PNPLA7: variants seen among roughly 807,000 people sequenced by gnomAD.
PNPLA7 encodes patatin-like phospholipase domain-containing protein 7.
PNPLA7 carries 153 observed loss-of-function variants against 161.7 expected under a neutral mutation model. That is an observed-to-expected ratio of 0.95 (90% CI 0.83 to 1.08). The LOEUF is 1.08. PNPLA7 is among the 50% of genes least tolerant of loss of function. The pLI, the probability that PNPLA7 is intolerant of heterozygous loss-of-function variation, is 0.00. For missense variants in PNPLA7, 1,739 were observed against 1,856.6 expected (o/e 0.94, Z 1.16); for synonymous variants, 809 against 782.1 (o/e 1.03, Z -0.57).
chr9:137,483,445 T>C (rs531246177), intron 21 of PNPLA7, among the ~76,000 whole-genome samples: 63 of 152,330 alleles, frequency 4.1e-4, no homozygotes, highest in Admixed American at 1.6e-3. Flanking sequence ...AATTTTGTTT[T>C]GAGAGTAACT....
At position 137,467,524 on chromosome 9, in the gene PNPLA7, C is replaced by T. The variant is rs377250872; in HGVS notation, c.2883-51G>A. 4.3e-5 allele frequency: 68 copies of T among 1,593,720 alleles called. No homozygotes were observed. Among genetic ancestry groups the T allele is most frequent in the East Asian group, 3.6e-4 (16 of 44,628 alleles). On this transcript the variant is annotated intron_variant, in intron 25 of 34. Coordinates refer to ENST00000406427, the MANE Select transcript of PNPLA7 (RefSeq NM_001098537.3). The surrounding 1 kb of genome is among the most constrained non-coding windows in gnomAD (Gnocchi z 5.1). Reference sequence around the variant, plus strand: ...AGGAGTGAGTACCAGGCCCAGGCTGCGCCCTGCAGAGGCCTTGTGCTCATC... The same window carrying T: ...AGGAGTGAGTACCAGGCCCAGGCTGTGCCCTGCAGAGGCCTTGTGCTCATC...
chr9:137,494,937 G>A, intron 19 of PNPLA7, 96 bp downstream of exon 19: 8 of 1,153,884 alleles, frequency 6.9e-6, no homozygotes, highest in Non-Finnish European at 1.0e-5. Context: ...GCCCTCACCT[G>A]CTCTGTGCCC....
At chr9:137,544,478 AC>A (rs1347214919) in intron 4 of PNPLA7, among the ~76,000 whole-genome samples, 1 of 151,990 alleles carries the variant, frequency 6.6e-6, no homozygotes, top group Admixed American at 6.6e-5. Flanking sequence ...TCTGCTCCAG[AC>A]CACCCTACGC....
chr9:137,534,146 CA>C (rs1299967395), intron 8 of PNPLA7, among the ~76,000 whole-genome samples: 3 of 148,452 alleles, frequency 2.0e-5, no homozygotes, highest in East Asian at 4.1e-4. Flanking sequence ...GAATCCTCCA[CA>C]ACAGTGTCCA....
intron 25 of PNPLA7, among the ~76,000 whole-genome samples, chr9:137,474,010 G>C (rs1831828288): frequency 6.6e-6 from 1 of 152,144 alleles, no homozygotes; most frequent in Non-Finnish European, 1.5e-5. Flanking sequence ...AGGCCGAGGT[G>C]GGTGGATCAC....
intron 15 of PNPLA7, 102 bp downstream of exon 15, chr9:137,501,548 C>T: frequency 1.7e-6 from 2 of 1,159,596 alleles, no homozygotes; most frequent in Non-Finnish European, 2.5e-6. Flanking sequence ...CTGGGAGGTC[C>T]CCAGTCACTG....
intron 23 of PNPLA7, chr9:137,479,787 G>A (rs973215415): frequency 1.0e-6 from 1 of 985,448 alleles, no homozygotes; most frequent in African/African-American, 1.7e-5. Flanking sequence ...AATCAGGTCA[G>A]TGATCTGCTG....
In PNPLA7 at chr9:137,491,605, C is replaced by A. The variant is rs1832767095; in HGVS notation, c.2197+1408G>T. On this transcript the variant is annotated intron_variant, in intron 20 of 34. Coordinates refer to ENST00000406427, the MANE Select transcript of PNPLA7 (RefSeq NM_001098537.3). ...TAGTGTCCCCCCAAATTCATGTCTA[C>A]CCAGAACCGCAAAATGTGACCTTAT... 5 of 985,278 alleles carry A rather than the reference C, an allele frequency of 5.1e-6. No individual in the cohort carries two copies. In the South Asian group the frequency reaches 2.3e-4, roughly 46 times the overall value. The allele number at this position is 985,278 out of a possible 1,614,324, so 61.0% of individuals were successfully genotyped here.
chr9:137,544,863 T>G (rs1466739706), intron 4 of PNPLA7, among the ~76,000 whole-genome samples: 1 of 152,198 alleles, frequency 6.6e-6, no homozygotes, highest in African/African-American at 2.4e-5. Flanking sequence ...TTGGCCAGGC[T>G]GGTCTCGAAC....
Position 137,500,951 on chromosome 9 carries a change from G to A in PNPLA7, c.1552-55C>T. On this transcript the variant is annotated intron_variant, in intron 15 of 34. Transcript: ENST00000406427. This position sits in a 1 kb window ranked among gnomAD's most constrained non-coding sequence, Gnocchi z 5.5. ...GCGAGTGGCCGCGGGCAGGACGGGG[G>A]CAGCTCTGGGCCCAGAGCGGACGAT... is the stretch of plus-strand genomic sequence containing the variant. The A allele has an allele frequency of 6.7e-7, 1 of 1,486,704 alleles. No individual in the cohort carries two copies. The highest frequency in any genetic ancestry group is 1.4e-5 in the African/African-American group (1 of 72,172). The allele number at this position is 1,486,704 out of a possible 1,614,324, so 92.1% of individuals were successfully genotyped here. A position where few individuals can be genotyped will look rare whatever the true frequency, so the allele number is the denominator to read the frequency against.
chr9:137,462,293 G>A lies in PNPLA7; in HGVS notation c.3531C>T (p.Tyr1177=), dbSNP rs749162838. The change falls in exon 31 of 35, where the codon TAC becomes TAT. Residue 1177 remains tyrosine (Y), a synonymous_variant. Coordinates refer to ENST00000406427, the MANE Select transcript of PNPLA7 (RefSeq NM_001098537.3). ...NMAEIQTRLA[Y]VCCVRQLEVV... ...CCTCCAGCTGCCGCACGCAACACAC[G>A]TAGGCCAGGCGCGTCTGAATCTCTG... The A allele has an allele frequency of 4.8e-5, 77 of 1,611,344 alleles. No individual in the cohort carries two copies. The highest frequency in any genetic ancestry group is 5.9e-5 in the Non-Finnish European group (70 of 1,179,120).
intron 8 of PNPLA7, among the ~76,000 whole-genome samples, chr9:137,527,409 T>C (rs1001036219): frequency 7.2e-5 from 11 of 152,228 alleles, no homozygotes; most frequent in African/African-American, 2.7e-4. Flanking sequence ...AGTACAGATG[T>C]CCTTTATTCG....
Position 137,464,126 on chromosome 9 carries a change from C to T in PNPLA7, c.3226G>A (p.Gly1076Ser), listed in dbSNP as rs201862577. The change falls in exon 28 of 35, where the codon GGC (glycine) becomes AGC (serine). Residue 1076 changes from glycine to serine, a missense_variant and splice_region_variant. Physicochemically the swap from Gly to Ser is moderately conservative, Grantham distance 56. Transcript: ENST00000406427. The part of the protein sequence containing the change: ...TASAMRVHTD[G>S]SLWWYVRASM... ...CGCCCTGCGCAGCAGGAGTGCTCAC[C>T]GTCGGTGTGGACCCGCATGGCCGAG... is the stretch of plus-strand genomic sequence containing the variant. 2.0e-5 allele frequency: 33 copies of T among 1,613,332 alleles called. No individual in the cohort carries two copies. The highest frequency in any genetic ancestry group is 1.7e-4 in the Middle Eastern group (1 of 6,038).
Position 137,542,723 on chromosome 9 carries a change from C to G in PNPLA7, c.585G>C (p.Glu195Asp). 1 of 1,613,698 alleles carries G rather than the reference C, an allele frequency of 6.2e-7. No homozygotes were observed. The highest frequency in any genetic ancestry group is 8.5e-7 in the Non-Finnish European group (1 of 1,180,034). ...HIVFVQLQEG[E>D]HVFQPREPDP... Reference sequence around the variant, plus strand: ...CCGGCTCCCTGGGCTGGAAGACGTGCTCCCCTTCCTGCAGCTGCACAAAGA... The same window carrying G: ...CCGGCTCCCTGGGCTGGAAGACGTGGTCCCCTTCCTGCAGCTGCACAAAGA... Residue 195 changes from glutamate (E) to aspartate (D), a missense_variant, in exon 7 of 35, where the codon GAG becomes GAC. Glu to Asp is a conservative substitution (Grantham distance 45). Transcript: ENST00000406427.
intron 25 of PNPLA7, among the ~76,000 whole-genome samples, chr9:137,473,809 G>A (rs561271030): frequency 1.4e-4 from 21 of 151,604 alleles, no homozygotes; most frequent in African/African-American, 2.2e-4. Context: ...ACCAAGGGTC[G>A]GTGGGGATGT....
At chr9:137,503,883 AAGAAGGAAG>A (rs2132325466) in intron 14 of PNPLA7, among the ~76,000 whole-genome samples, 1 of 117,622 alleles carries the variant, frequency 8.5e-6, no homozygotes, top group Admixed American at 8.0e-5. Flanking sequence ...AAGAAGAAAG[AAGAAGGAAG>A]AAGAAGAAGG....
intron 14 of PNPLA7, among the ~76,000 whole-genome samples, chr9:137,503,987 AAG>A (rs1191623900): frequency 1.4e-4 from 6 of 43,580 alleles, no homozygotes; most frequent in Admixed American, 5.1e-4. Context: ...AGGAAGAAGA[AAG>A]AAGCAAGAAG....
At chr9:137,477,154 C>T (rs1831976793) in intron 25 of PNPLA7, among the ~76,000 whole-genome samples, 1 of 152,254 alleles carries the variant, frequency 6.6e-6, no homozygotes, top group African/African-American at 2.4e-5. Context: ...AGGCTCCGCC[C>T]TGCCCCTTAC....
chr9:137,518,511 C>G lies in PNPLA7; in HGVS notation c.1084+1406G>C, dbSNP rs370990892. ...ACTCACTCCACTCTGTCCACTCCAT[C>G]CCCCGTCACTCACTCCACTCTGCTC... On this transcript the variant is annotated intron_variant, in intron 11 of 34. Transcript: ENST00000406427. Among the ~76,000 whole-genome samples the G allele has an allele frequency of 1.8e-3, 131 of 72,592 alleles. 4 individuals are homozygous for G. The highest frequency in any genetic ancestry group is 6.8e-3 in the African/African-American group (122 of 17,840). The allele number at this position is 72,592 out of a possible 152,430, so 47.6% of individuals were successfully genotyped here. A position where few individuals can be genotyped will look rare whatever the true frequency, so the allele number is the denominator to read the frequency against.
Sources: gnomAD v4.1 joint callset for allele counts (sites outside exome capture counted in the v4.1 genomes callset) on GRCh38, gnomAD v4.1.1 for gene constraint, Gnocchi (gnomAD v3.1) non-coding constraint, MANE v1.5 for transcripts, NCBI Gene and HGNC (gene_info 2026-07-23, HGNC 2026-07-21) for gene names.